ESRRG: variants seen among roughly 807,000 people sequenced by gnomAD.
The protein encoded by ESRRG is estrogen-related receptor gamma.
Under a neutral mutation model 44.0 loss-of-function variants are expected in ESRRG, and 13 were observed. That is an observed-to-expected ratio of 0.30 (90% CI 0.19 to 0.47). The LOEUF is 0.47. Among genes scored for constraint, ESRRG ranks in the 20% least tolerant of loss-of-function variants. ESRRG has a pLI of 1.00. For synonymous variants in ESRRG, 215 were observed against 214.6 expected (o/e 1.00, Z -0.02); for missense variants, 395 against 580.6 (o/e 0.68, Z 3.29).
chr1:217,082,374 A>G (rs2091824459), intron 1 of ESRRG, among the ~76,000 whole-genome samples: 1 of 152,230 alleles, frequency 6.6e-6, no homozygotes, highest in Non-Finnish European at 1.5e-5. Flanking sequence ...CTCAACTCTC[A>G]TATCCATCTT....
intron 3 of ESRRG, among the ~76,000 whole-genome samples, chr1:216,580,201 T>C (rs1053226340): frequency 1.3e-5 from 2 of 152,320 alleles, no homozygotes; most frequent in East Asian, 3.9e-4. Context: ...ACAACATGCT[T>C]TACAGCCATG....
chr1:216,519,851 C>A (rs1290317526), intron 5 of ESRRG, among the ~76,000 whole-genome samples: 2 of 141,832 alleles, frequency 1.4e-5, no homozygotes, highest in African/African-American at 5.2e-5. Context: ...GAAGAAGAAG[C>A]AGCTAAAAAT....
chr1:216,773,077 A>G (rs1256116147), intron 2 of ESRRG, among the ~76,000 whole-genome samples: 1 of 152,092 alleles, frequency 6.6e-6, no homozygotes, highest in African/African-American at 2.4e-5. Flanking sequence ...TCGGGTAGGC[A>G]GAGAAGTCAA....
chr1:216,921,046 A>G (rs1369119249), intron 2 of ESRRG, among the ~76,000 whole-genome samples: 9 of 152,186 alleles, frequency 5.9e-5, no homozygotes, highest in Admixed American at 5.9e-4. Flanking sequence ...TCTCATTTGG[A>G]AACTAAACTT....
intron 2 of ESRRG, among the ~76,000 whole-genome samples, chr1:216,661,506 G>A (rs974833826): frequency 3.9e-5 from 6 of 152,152 alleles, no homozygotes; most frequent in African/African-American, 1.4e-4. Context: ...CACTATCTTT[G>A]GATAGAAACA....
intron 2 of ESRRG, among the ~76,000 whole-genome samples, chr1:216,871,032 C>T (rs1309852849): frequency 1.3e-5 from 2 of 151,850 alleles, no homozygotes; most frequent in Non-Finnish European, 2.9e-5. Flanking sequence ...TACTTACTTT[C>T]AGTTTATTTA....
chr1:216,564,299 T>A lies in ESRRG; in HGVS notation c.782A>T (p.Asp261Val). ...AMPDPTVPDS[D>V]IKALTTLCDL... ...ACACAGTGTAGTGAGGGCTTTGATG[T>A]CACTGTCGGGGACAGTAGGGTCAGG... Residue 261 changes from aspartate to valine, a missense_variant, in exon 5 of 7, where the codon GAC becomes GTC. Transcript: ENST00000408911. 1 of 1,611,998 alleles carries A rather than the reference T, an allele frequency of 6.2e-7. No individual in the cohort carries two copies. The highest frequency in any genetic ancestry group is 8.5e-7 in the Non-Finnish European group (1 of 1,178,570).
intron 2 of ESRRG, among the ~76,000 whole-genome samples, chr1:216,732,001 G>T (rs1459107514): frequency 1.3e-5 from 2 of 151,364 alleles, no homozygotes; most frequent in Non-Finnish European, 2.9e-5. Flanking sequence ...ATTTAACAAA[G>T]AAATTTTTTT....
chr1:217,126,867 C>T (rs1343780799), intron 1 of ESRRG, among the ~76,000 whole-genome samples: 1 of 152,198 alleles, frequency 6.6e-6, no homozygotes, highest in Non-Finnish European at 1.5e-5. Flanking sequence ...TGCCCAACTG[C>T]ATTGCATGAA....
At chr1:216,568,122 C>G in intron 3 of ESRRG, 24 bp from the exon 4 acceptor site, 1 of 1,522,678 alleles carries the variant, frequency 6.6e-7, no homozygotes, top group Non-Finnish European at 9.1e-7. Flanking sequence ...CAGGCACCGG[C>G]TTACTATTAA....
intron 1 of ESRRG, among the ~76,000 whole-genome samples, chr1:217,066,694 C>A (rs993099786): frequency 1.2e-4 from 18 of 152,166 alleles, no homozygotes; most frequent in African/African-American, 4.1e-4. Flanking sequence ...CTGGACAATT[C>A]TTTGCTGTGT....
rs537199617 is a variant in ESRRG at position 216,994,241 on chromosome 1, C to CA, written c.-105-54569_-105-54568insT. ...CAAATTTTGTCTAGACATTAAGCAGCGAAAAAAAATCATTTCAACTGACAA... is the reference window on the plus strand; with the variant it reads ...CAAATTTTGTCTAGACATTAAGCAGCAGAAAAAAAATCATTTCAACTGACAA... On this transcript the variant is annotated intron_variant, in intron 1 of 7. Coordinates refer to the ESRRG transcript ENST00000359162. Among the ~76,000 whole-genome samples, 225 of 151,926 alleles carry CA rather than the reference C, an allele frequency of 1.5e-3. 2 individuals carry two copies. Among genetic ancestry groups the CA allele is most frequent in the African/African-American group, 5.3e-3 (218 of 41,368 alleles).
intron 2 of ESRRG, chr1:216,863,562 G>A (rs2096090704): frequency 1.3e-5 from 2 of 152,126 alleles, no homozygotes; most frequent in African/African-American, 4.8e-5. Flanking sequence ...AATAGGGCAA[G>A]GGTATAGTCC....
chr1:216,852,514 G>A (rs559414275), intron 2 of ESRRG, among the ~76,000 whole-genome samples: 7 of 152,158 alleles, frequency 4.6e-5, no homozygotes, highest in South Asian at 4.1e-4. Context: ...CATATCTTGC[G>A]TTTTATTTCC....
chr1:216,931,982 G>T (rs748194715), intron 2 of ESRRG, among the ~76,000 whole-genome samples: 13 of 152,178 alleles, frequency 8.5e-5, no homozygotes, highest in Non-Finnish European at 1.6e-4. Flanking sequence ...GAGGCAGGCA[G>T]ATCATGAGGT....
At chr1:216,660,661 A>T (rs1056576495) in intron 2 of ESRRG, among the ~76,000 whole-genome samples, 2 of 152,248 alleles carry the variant, frequency 1.3e-5, no homozygotes, top group Non-Finnish European at 1.5e-5. Flanking sequence ...CCAGTCAGAA[A>T]GGAAATTTTG....
chr1:216,684,383 T>G (rs962519120), intron 1 of ESRRG, among the ~76,000 whole-genome samples: 5 of 152,232 alleles, frequency 3.3e-5, no homozygotes, highest in African/African-American at 9.6e-5. Context: ...CGCTTAGTAG[T>G]GCAACTTATC....
intron 3 of ESRRG, among the ~76,000 whole-genome samples, chr1:216,587,019 C>T (rs1487888145): frequency 6.6e-6 from 1 of 152,100 alleles, no homozygotes; most frequent in African/African-American, 2.4e-5. Flanking sequence ...TATCACATTA[C>T]TGATACTTCA....
chr1:216,864,501 A>C (rs1295123417), intron 2 of ESRRG: 17 of 152,144 alleles, frequency 1.1e-4, no homozygotes, highest in Admixed American at 1.0e-3. Flanking sequence ...TTTGTATGAC[A>C]CTAGACTTCT....
Sources: allele counts gnomAD v4.1 joint callset (sites outside exome capture counted in the v4.1 genomes callset), GRCh38; gene constraint gnomAD v4.1.1; transcripts MANE v1.5; gene names NCBI Gene and HGNC (gene_info 2026-07-23, HGNC 2026-07-21).